GJA3: variants seen among roughly 807,000 people sequenced by gnomAD.
The protein encoded by GJA3 is gap junction protein alpha 3.
For missense variants in GJA3, 571 were observed against 620.3 expected, an observed-to-expected ratio of 0.92 and a Z score of 0.84; for synonymous variants, 297 against 292.6, an observed-to-expected ratio of 1.02 and a Z score of -0.15.
At chr13:20,148,027 C>T (rs560316751) in intron 1 of GJA3, among the ~76,000 whole-genome samples, 87 of 152,288 alleles carry the variant, frequency 5.7e-4, no homozygotes, top group African/African-American at 2.0e-3. Flanking sequence ...AGCCTCACGA[C>T]TACACTTCAC....
Position 20,141,839 on chromosome 13 carries a change from C to T in GJA3, c.*142G>A. On this transcript the variant is annotated 3_prime_UTR_variant, in exon 2 of 2. Coordinates refer to ENST00000241125, the MANE Select transcript of GJA3 (RefSeq NM_021954.4). ...ATTGAACACGGAAACCTGATCTCTC[C>T]TCCATCGTCCACCTCCTGGGACTCC... The T allele has an allele frequency of 2.4e-6, 3 of 1,236,630 alleles. No homozygotes were observed. Among genetic ancestry groups the T allele is most frequent in the Admixed American group, 2.3e-5 (1 of 43,094 alleles). The allele number at this position is 1,236,630 out of a possible 1,614,324, so 76.6% of individuals were successfully genotyped here. A position where few individuals can be genotyped will look rare whatever the true frequency, so the allele number is the denominator to read the frequency against.
In GJA3 at chr13:20,143,310, A is replaced by G; in HGVS notation, c.-17-5T>C. 1.3e-6 allele frequency: 2 copies of G among 1,507,200 alleles called. No individual in the cohort carries two copies. The highest frequency in any genetic ancestry group is 1.8e-6 in the Non-Finnish European group (2 of 1,133,782). 93.4% of individuals were successfully genotyped at this position (1,507,200 alleles called of 1,614,324 possible). On this transcript the variant is annotated splice_region_variant and splice_polypyrimidine_tract_variant and intron_variant, in intron 1 of 1. Coordinates refer to ENST00000241125, the MANE Select transcript of GJA3 (RefSeq NM_021954.4). ...CCATTGCTTCAGATTCCTAACCTGT[A>G]AGAGGAAAATGCTCATGAACACCGG...
intron 1 of GJA3, among the ~76,000 whole-genome samples, chr13:20,153,534 C>A (rs1054003686): frequency 2.6e-5 from 4 of 152,044 alleles, no homozygotes; most frequent in African/African-American, 9.7e-5. Context: ...ATCGCAAGGA[C>A]AGAAAACCAA....
At chr13:20,150,546 G>A (rs1327457581) in intron 1 of GJA3, among the ~76,000 whole-genome samples, 1 of 152,244 alleles carries the variant, frequency 6.6e-6, no homozygotes, top group Non-Finnish European at 1.5e-5. Flanking sequence ...TTTGGAAGGT[G>A]TGCTTTGAAG....
Position 20,142,257 on chromosome 13 carries a change from C to A in GJA3, c.1032G>T (p.Pro344=). 1.3e-6 allele frequency: 2 copies of A among 1,550,832 alleles called. No homozygotes were observed. Among genetic ancestry groups the A allele is most frequent in the Non-Finnish European group, 1.7e-6 (2 of 1,152,332 alleles). Residue 344 remains proline, a synonymous_variant, in exon 2 of 2, where the codon CCG becomes CCT. Coordinates refer to ENST00000241125, the MANE Select transcript of GJA3 (RefSeq NM_021954.4). ...ERQPPALKAY[P]AASTPAAPSP... ...TGGGGGCTGCAGGCGTGGACGCTGC[C>A]GGGTAAGCCTTGAGCGCCGGGGGCT...
intron 1 of GJA3, among the ~76,000 whole-genome samples, chr13:20,149,885 C>A (rs1958866636): frequency 6.6e-6 from 1 of 152,144 alleles, no homozygotes; most frequent in Non-Finnish European, 1.5e-5. Flanking sequence ...GTGGGAGCCC[C>A]TCAACAATGC....
intron 1 of GJA3, among the ~76,000 whole-genome samples, chr13:20,156,249 G>A (rs1456523658): frequency 7.0e-6 from 1 of 143,466 alleles, no homozygotes; most frequent in East Asian, 1.9e-4. Flanking sequence ...TCTAGTCAAA[G>A]GGAGGAACTA....
At position 20,143,258 on chromosome 13, in the gene GJA3, A is replaced by G; in HGVS notation, c.31T>C (p.Leu11=). The G allele has an allele frequency of 3.3e-6, 5 of 1,528,184 alleles. No individual in the cohort carries two copies. Among genetic ancestry groups the G allele is most frequent in the South Asian group, 1.3e-5 (1 of 77,090 alleles). The allele number at this position is 1,528,184 out of a possible 1,614,324, so 94.7% of individuals were successfully genotyped here. The change falls in exon 2 of 2, where the codon TTA becomes CTA. Residue 11 remains leucine (L), a synonymous_variant. Transcript: ENST00000241125. ...GTGGAGTGCTCCTGTGCATTTTCTA[A>G]GAGTCTTCCCAGAAAGCTCCAGTCG... MGDWSFLGRL[L]ENAQEHSTVI...
intron 1 of GJA3, among the ~76,000 whole-genome samples, chr13:20,159,942 TA>T (rs1566520833): frequency 6.6e-6 from 1 of 152,218 alleles, no homozygotes. Flanking sequence ...GCGCACATCA[TA>T]AATCACCATG....
chr13:20,153,939 A>T (rs1958893758), intron 1 of GJA3, among the ~76,000 whole-genome samples: 1 of 152,174 alleles, frequency 6.6e-6, no homozygotes, highest in African/African-American at 2.4e-5. Context: ...AGAACATATT[A>T]GTTTTCGTCT....
At chr13:20,154,644 T>C (rs1958897786) in intron 1 of GJA3, among the ~76,000 whole-genome samples, 1 of 152,272 alleles carries the variant, frequency 6.6e-6, no homozygotes, top group African/African-American at 2.4e-5. Context: ...TGAATGCTTT[T>C]AAAGTTTTAT....
chr13:20,156,647 A>G (rs1958908591), intron 1 of GJA3, among the ~76,000 whole-genome samples: 1 of 152,206 alleles, frequency 6.6e-6, no homozygotes, highest in Admixed American at 6.5e-5. Context: ...AAGTAATTAA[A>G]ACAGCTGTGT....
intron 1 of GJA3, among the ~76,000 whole-genome samples, chr13:20,157,440 T>TTTTG (rs1423426643): frequency 6.6e-6 from 1 of 152,228 alleles, no homozygotes; most frequent in Admixed American, 6.5e-5. Context: ...AATCTTAGCA[T>TTTTG]TTTGGCAAGG....
chr13:20,153,237 C>T (rs1408493274), intron 1 of GJA3, among the ~76,000 whole-genome samples: 1 of 152,178 alleles, frequency 6.6e-6, no homozygotes, highest in African/African-American at 2.4e-5. Context: ...TTTTCTTGTA[C>T]TCTATATGGC....
chr13:20,150,227 G>A (rs1958868495), intron 1 of GJA3, among the ~76,000 whole-genome samples: 1 of 152,200 alleles, frequency 6.6e-6, no homozygotes, highest in Admixed American at 6.5e-5. Flanking sequence ...CAGTGGTGGA[G>A]ACAGGAACGA....
chr13:20,146,381 G>A (rs563090741), intron 1 of GJA3, among the ~76,000 whole-genome samples: 1 of 152,350 alleles, frequency 6.6e-6, no homozygotes, highest in Non-Finnish European at 1.5e-5. Context: ...GAGAAACATG[G>A]GGCCAAATAA....
At position 20,142,769 on chromosome 13, in the gene GJA3, C is replaced by T. The variant is rs928164571; in HGVS notation, c.520G>A (p.Glu174Lys). The part of the protein sequence containing the change: ...IAGQYFLYGF[E>K]LKPLYRCDRW... ...TCGCAGCGGTAGAGCGGCTTCAGCT[C>T]GAAGCCGTACAGAAAGTACTGGCCG... The change falls in exon 2 of 2, where the codon GAG becomes AAG. Residue 174 changes from glutamate to lysine, a missense_variant. By Grantham distance (56) the Glu-to-Lys change is moderately conservative. Transcript: ENST00000241125. 1.2e-6 allele frequency: 2 copies of T among 1,613,372 alleles called. No individual in the cohort carries two copies. Among genetic ancestry groups the T allele is most frequent in the Non-Finnish European group, 1.7e-6 (2 of 1,179,848 alleles).
chr13:20,153,102 T>C (rs1163248362), intron 1 of GJA3, among the ~76,000 whole-genome samples: 1 of 152,252 alleles, frequency 6.6e-6, no homozygotes, highest in Non-Finnish European at 1.5e-5. Flanking sequence ...AATTTCCAGA[T>C]ACCACAAGAC....
At chr13:20,157,731 G>A (rs1010049417) in intron 1 of GJA3, among the ~76,000 whole-genome samples, 1 of 152,196 alleles carries the variant, frequency 6.6e-6, no homozygotes, top group Non-Finnish European at 1.5e-5. Flanking sequence ...GTTTAGAAAT[G>A]TGGGCTGGAG....
Sources: gnomAD v4.1 joint callset for allele counts (sites outside exome capture counted in the v4.1 genomes callset) on GRCh38, gnomAD v4.1.1 for gene constraint, MANE v1.5 for transcripts, NCBI Gene and HGNC (gene_info 2026-07-23, HGNC 2026-07-21) for gene names.